Variants in JADE3 observed in about 807,000 individuals in gnomAD.
The protein encoded by JADE3 is protein Jade-3.
Under a neutral mutation model 50.1 loss-of-function variants are expected in JADE3, and 2 were observed. That is an observed-to-expected ratio of 0.04 (90% CI 0.02 to 0.13). The LOEUF is 0.13. Among genes scored for constraint, JADE3 ranks in the 10% least tolerant of loss-of-function variants. JADE3 has a pLI of 1.00. For missense variants in JADE3, 475 were observed against 634.4 expected, an observed-to-expected ratio of 0.75 and a Z score of 2.70; for synonymous variants, 218 against 232.9, an observed-to-expected ratio of 0.94 and a Z score of 0.58.
intron 3 of JADE3, among the ~76,000 whole-genome samples, chrX:46,991,749 T>C (rs1350533417): frequency 1.8e-5 from 2 of 111,732 alleles, no homozygotes; most frequent in Admixed American, 1.9e-4. Context: ...GTGACACTGT[T>C]TTTGTCTCTC....
At chrX:46,999,564 A>G (rs1276534097) in intron 4 of JADE3, among the ~76,000 whole-genome samples, 3 of 107,244 alleles carry the variant, frequency 2.8e-5, no homozygotes, top group Non-Finnish European at 5.7e-5. Flanking sequence ...ATAGAGGGCC[A>G]AAAACATAGA....
chrX:47,037,703 G>A lies in JADE3; in HGVS notation c.856-1246G>A, dbSNP rs191799540. On this transcript the variant is annotated intron_variant, in intron 7 of 10. Transcript: ENST00000614628. ...ACGGGATGCATGAGATTTTGATACA[G>A]GCATGTAATGCCTAATAATGACATC... 3.7e-3 allele frequency among the ~76,000 whole-genome samples: 414 copies of A among 112,230 alleles called. 1 individual carries two copies. Among genetic ancestry groups the A allele is most frequent in the Non-Finnish European group, 5.8e-3 (309 of 53,214 alleles).
intron 1 of JADE3, among the ~76,000 whole-genome samples, chrX:46,946,110 G>A (rs191092469): frequency 1.0e-3 from 114 of 111,800 alleles, no homozygotes; most frequent in African/African-American, 3.3e-3. Context: ...TTCAGTACTT[G>A]GAACATTTTA....
In JADE3 at chrX:47,059,003, C is replaced by T; in HGVS notation, c.2398C>T (p.Pro800Ser). ...RKDSSDRENP[P>S]HDSRRDCHGK... ...AGATAGCTCAGACAGGGAAAATCCT[C>T]CCCATGACTCTAGACGGGATTGCCA... The change falls in exon 11 of 11, where the codon CCC becomes TCC. Residue 800 changes from proline to serine, a missense_variant. Physicochemically the swap from Pro to Ser is moderately conservative, Grantham distance 74. Coordinates refer to ENST00000614628, the MANE Select transcript of JADE3 (RefSeq NM_014735.5). 1 of 1,209,047 alleles carries T rather than the reference C, an allele frequency of 8.3e-7. No individual in the cohort carries two copies. The highest frequency in any genetic ancestry group is 1.8e-5 in the South Asian group (1 of 56,873).
chrX:46,917,472 G>A (rs1602366658), intron 1 of JADE3, among the ~76,000 whole-genome samples: 2 of 110,963 alleles, frequency 1.8e-5, no homozygotes, highest in African/African-American at 6.6e-5. Context: ...CCAAGGTCAC[G>A]CAGCAAGTAT....
intron 1 of JADE3, among the ~76,000 whole-genome samples, chrX:46,934,759 T>TA (rs1926578593): frequency 9.0e-6 from 1 of 111,589 alleles, no homozygotes; most frequent in Non-Finnish European, 1.9e-5. Context: ...TAAGAAAAAC[T>TA]TGCTTATAAA....
chrX:47,023,030 C>G (rs1928829021), intron 4 of JADE3, among the ~76,000 whole-genome samples: 1 of 111,300 alleles, frequency 9.0e-6, no homozygotes, highest in African/African-American at 3.3e-5. Flanking sequence ...CGTTATTGAG[C>G]ATCTATTTTT....
In JADE3 at chrX:46,926,435, G is replaced by A. The variant is rs1443718551; in HGVS notation, c.-12+13716G>A. 2.2e-4 allele frequency among the ~76,000 whole-genome samples: 24 copies of A among 109,840 alleles called. 1 individual carries two copies. The highest frequency in any genetic ancestry group is 1.9e-3 in the Admixed American group (20 of 10,307). On this transcript the variant is annotated intron_variant, in intron 1 of 10. Coordinates refer to ENST00000614628, the MANE Select transcript of JADE3 (RefSeq NM_014735.5). ...AATGTTTTAGTTTTTTTGTAGAGAC[G>A]AGGTCTCACTATGTTGCCCAGGCTA...
chrX:47,019,218 G>A (rs1408600161), intron 4 of JADE3, among the ~76,000 whole-genome samples: 1 of 111,848 alleles, frequency 8.9e-6, no homozygotes, highest in Non-Finnish European at 1.9e-5. Flanking sequence ...CATTGCAGAA[G>A]AATGTGGGAT....
At chrX:46,980,468 T>G (rs1312774829) in intron 1 of JADE3, among the ~76,000 whole-genome samples, 1 of 110,633 alleles carries the variant, frequency 9.0e-6, no homozygotes, top group Non-Finnish European at 1.9e-5. Flanking sequence ...CTTTTGCGTC[T>G]TCTTAACAGG....
At chrX:47,054,120 C>T (rs1556372816) in intron 8 of JADE3, 38 bp from the exon 9 acceptor site, 3 of 995,968 alleles carry the variant, frequency 3.0e-6, no homozygotes, top group Non-Finnish European at 4.1e-6. Context: ...CCCTTTTCCT[C>T]CAACTCTGCT....
At chrX:47,049,678 T>C (rs1259549962) in intron 8 of JADE3, among the ~76,000 whole-genome samples, 1 of 106,441 alleles carries the variant, frequency 9.4e-6, no homozygotes, top group Non-Finnish European at 1.9e-5. Flanking sequence ...ACTCCTGGAC[T>C]GTAACAGTCC....
intron 8 of JADE3, among the ~76,000 whole-genome samples, chrX:47,045,703 G>A (rs901457927): frequency 8.9e-6 from 1 of 111,831 alleles, no homozygotes; most frequent in South Asian, 3.7e-4. Flanking sequence ...ATCTTCTCTG[G>A]CCACAGTGGA....
chrX:46,922,916 C>T (rs1569533949), intron 1 of JADE3, among the ~76,000 whole-genome samples: 1 of 111,774 alleles, frequency 8.9e-6, no homozygotes, highest in East Asian at 2.8e-4. Flanking sequence ...TGAACATGGG[C>T]AGGAGATGCT....
At chrX:46,975,170 T>C (rs1425543747) in intron 1 of JADE3, among the ~76,000 whole-genome samples, 1 of 112,725 alleles carries the variant, frequency 8.9e-6, no homozygotes, top group Non-Finnish European at 1.9e-5. Context: ...ATTGATTATA[T>C]TGCACTTTTC....
chrX:47,034,542 A>G (rs1346255990), intron 7 of JADE3, among the ~76,000 whole-genome samples: 1 of 111,524 alleles, frequency 9.0e-6, no homozygotes, highest in East Asian at 2.8e-4. Context: ...TATTACAAAT[A>G]AAGTGAGCAG....
At chrX:47,033,525 A>G in intron 6 of JADE3, 96 bp from the exon 7 acceptor site, 1 of 703,441 alleles carries the variant, frequency 1.4e-6, no homozygotes, top group Non-Finnish European at 2.0e-6. Context: ...CCTTTCTCCC[A>G]AAAGCAGAGG....
intron 4 of JADE3, among the ~76,000 whole-genome samples, chrX:47,016,735 G>T (rs1418127783): frequency 1.9e-5 from 2 of 105,964 alleles, no homozygotes; most frequent in Admixed American, 1.0e-4. Context: ...GCTCAGGCTA[G>T]ATTCAAACTC....
intron 7 of JADE3, 72 bp downstream of exon 7, chrX:47,033,860 C>T: frequency 1.1e-6 from 1 of 885,241 alleles, no homozygotes; most frequent in Non-Finnish European, 1.5e-6. Flanking sequence ...TTCAGACTGA[C>T]TCAGGCTCAG....
Sources: allele counts gnomAD v4.1 joint callset (sites outside exome capture counted in the v4.1 genomes callset), GRCh38; gene constraint gnomAD v4.1.1; transcripts MANE v1.5; gene names NCBI Gene and HGNC (gene_info 2026-07-23, HGNC 2026-07-21).